Variants in PLCB4 observed in about 807,000 individuals in gnomAD.
PLCB4 encodes 1-phosphatidylinositol 4,5-bisphosphate phosphodiesterase beta-4.
In PLCB4, 77 loss-of-function variants were observed where a neutral mutation model predicts 178.8. That is an observed-to-expected ratio of 0.43 (90% confidence interval 0.36 to 0.52). The LOEUF is 0.52. PLCB4 is among the 20% of genes least tolerant of loss of function. The pLI is 0.00. For synonymous variants in PLCB4, 496 were observed against 490.8 expected (o/e 1.01, Z -0.14); for missense variants, 1,024 against 1,453.4 (o/e 0.70, Z 4.80).
chr20:9,170,421 T>C (rs563467438), intron 2 of PLCB4, among the ~76,000 whole-genome samples: 1 of 152,310 alleles, frequency 6.6e-6, no homozygotes, highest in South Asian at 2.1e-4. Context: ...TCTTATCATG[T>C]TTTATGAGAT....
At chr20:9,222,046 ATT>A (rs1568974201) in intron 3 of PLCB4, among the ~76,000 whole-genome samples, 54 of 6,024 alleles carry the variant, frequency 9.0e-3, no homozygotes, top group African/African-American at 0.049. Context: ...GTTTTATTTT[ATT>A]TTATTTTATT....
chr20:9,164,442 T>G (rs1442358609), intron 2 of PLCB4, among the ~76,000 whole-genome samples: 2 of 152,206 alleles, frequency 1.3e-5, no homozygotes, highest in Non-Finnish European at 2.9e-5. Context: ...ATCTCATGTC[T>G]TCTGAATCAT....
At chr20:9,372,247 C>G (rs1602179659) in intron 10 of PLCB4, 56 bp from the exon 11 acceptor site, 2 of 985,042 alleles carry the variant, frequency 2.0e-6, no homozygotes, top group Non-Finnish European at 1.6e-6. Flanking sequence ...TGTAGCTTCT[C>G]ACCCTCCAAG....
intron 2 of PLCB4, among the ~76,000 whole-genome samples, chr20:9,214,349 T>C (rs1346649212): frequency 1.3e-5 from 2 of 152,218 alleles, no homozygotes; most frequent in Non-Finnish European, 2.9e-5. Context: ...ATACCATATG[T>C]GGTCTTTGTG....
At chr20:9,391,023 C>T (rs79287822) in intron 17 of PLCB4, among the ~76,000 whole-genome samples, 3,715 of 152,240 alleles carry the variant, frequency 0.024, 58 homozygotes, top group Non-Finnish European at 0.04. Flanking sequence ...TAAAAGCCCT[C>T]CAGGTGAACT....
At chr20:9,228,096 T>C (rs2093888865) in intron 3 of PLCB4, among the ~76,000 whole-genome samples, 1 of 152,192 alleles carries the variant, frequency 6.6e-6, no homozygotes, top group Non-Finnish European at 1.5e-5. Context: ...CTTGTTAGAA[T>C]TCCAAGGGGC....
chr20:9,421,740 C>T (rs1483739904), intron 27 of PLCB4, among the ~76,000 whole-genome samples: 2 of 152,146 alleles, frequency 1.3e-5, no homozygotes, highest in Non-Finnish European at 2.9e-5. Flanking sequence ...CTGGTGGACA[C>T]CATCGTACAC....
At chr20:9,073,709 T>C (rs1227505332) in intron 1 of PLCB4, among the ~76,000 whole-genome samples, 2 of 151,882 alleles carry the variant, frequency 1.3e-5, no homozygotes, top group Non-Finnish European at 2.9e-5. Context: ...CACAGTAAGA[T>C]CAATTTATGC....
chr20:9,288,961 G>A (rs1262590629), intron 3 of PLCB4, among the ~76,000 whole-genome samples: 1 of 151,926 alleles, frequency 6.6e-6, no homozygotes, highest in Admixed American at 6.6e-5. Flanking sequence ...AACATAGATG[G>A]CCAAAATATA....
chr20:9,185,241 G>C (rs1426672844), intron 2 of PLCB4, among the ~76,000 whole-genome samples: 1 of 152,172 alleles, frequency 6.6e-6, no homozygotes, highest in Non-Finnish European at 1.5e-5. Flanking sequence ...CCCTGGAAGG[G>C]AATCCCATAT....
At chr20:9,427,234 C>T (rs2041081806) in intron 28 of PLCB4, among the ~76,000 whole-genome samples, 1 of 151,928 alleles carries the variant, frequency 6.6e-6, no homozygotes, top group Non-Finnish European at 1.5e-5. Context: ...CCAAAAACAA[C>T]AACAACAACA....
At chr20:9,185,308 T>G in intron 2 of PLCB4, among the ~76,000 whole-genome samples, 1 of 149,620 alleles carries the variant, frequency 6.7e-6, no homozygotes, top group Non-Finnish European at 1.5e-5. Context: ...ACATTTTCTA[T>G]AGTTTTTTTT....
chr20:9,442,665 A>C (rs1401413925), intron 30 of PLCB4, among the ~76,000 whole-genome samples: 1 of 152,148 alleles, frequency 6.6e-6, no homozygotes, highest in Non-Finnish European at 1.5e-5. Context: ...AGGCCTAAAG[A>C]CAGGGAGCTC....
At chr20:9,179,438 G>A (rs1315910573) in intron 2 of PLCB4, among the ~76,000 whole-genome samples, 1 of 152,158 alleles carries the variant, frequency 6.6e-6, no homozygotes, top group African/African-American at 2.4e-5. Flanking sequence ...TGAAATGGAT[G>A]ATTCCTCTAG....
chr20:9,431,330 C>A (rs2041379099), intron 28 of PLCB4, among the ~76,000 whole-genome samples: 1 of 152,048 alleles, frequency 6.6e-6, no homozygotes, highest in South Asian at 2.1e-4. Flanking sequence ...CTAGTAGGAT[C>A]TCATTTCAGT....
At chr20:9,314,639 A>T (rs1319599510) in intron 4 of PLCB4, among the ~76,000 whole-genome samples, 1 of 152,198 alleles carries the variant, frequency 6.6e-6, no homozygotes, top group Non-Finnish European at 1.5e-5. Context: ...AGCATTTTGT[A>T]TATAATCACA....
At chr20:9,474,629 A>C (rs1280319182) in intron 38 of PLCB4, among the ~76,000 whole-genome samples, 1 of 152,204 alleles carries the variant, frequency 6.6e-6, no homozygotes, top group Non-Finnish European at 1.5e-5. Context: ...CTCCCCTTGA[A>C]GAATACTTAA....
intron 3 of PLCB4, among the ~76,000 whole-genome samples, chr20:9,294,896 TC>T (rs1790909213): frequency 6.6e-6 from 1 of 152,132 alleles, no homozygotes. Context: ...GATTCTCTAG[TC>T]TTTCCCCTAT....
intron 12 of PLCB4, among the ~76,000 whole-genome samples, chr20:9,377,634 C>A (rs971451813): frequency 2.0e-5 from 3 of 152,224 alleles, no homozygotes; most frequent in African/African-American, 7.2e-5. Flanking sequence ...TGCTTATTTG[C>A]TGCGAATGTA....
Sources: gnomAD v4.1 joint callset for allele counts (sites outside exome capture counted in the v4.1 genomes callset) on GRCh38, gnomAD v4.1.1 for gene constraint, MANE v1.5 for transcripts, NCBI Gene and HGNC (gene_info 2026-07-23, HGNC 2026-07-21) for gene names.